Variants in INHBC observed in about 807,000 individuals in gnomAD.
INHBC encodes inhibin beta C chain.
A neutral mutation model predicts 12.4 loss-of-function variants in INHBC; 10 were observed. The observed-to-expected ratio is 0.81, with a 90% CI of 0.50 to 1.37. The LOEUF (loss-of-function observed/expected upper bound fraction) is 1.37. Among genes scored for constraint, INHBC ranks in the 40% most tolerant of loss-of-function variants. The pLI, the probability that INHBC is intolerant of heterozygous loss-of-function variation, is 0.00. For missense variants in INHBC, 382 were observed against 439.4 expected, an observed-to-expected ratio of 0.87 and a Z score of 1.17; for synonymous variants, 147 against 171.6, an observed-to-expected ratio of 0.86 and a Z score of 1.12.
Position 57,449,622 on chromosome 12 carries a change from T to C in INHBC, c.659T>C (p.Phe220Ser), listed in dbSNP as rs547924217. 6.2e-7 allele frequency: 1 copy of C among 1,614,232 alleles called. No homozygotes were observed. The highest frequency in any genetic ancestry group is 8.5e-7 in the Non-Finnish European group (1 of 1,180,040). The part of the protein sequence containing the change: ...VILGGAAHRP[F>S]VAARVRVGGK... The stretch of plus-strand genomic sequence containing the variant: ...CTGGGTGGAGCTGCCCATAGGCCTT[T>C]TGTGGCAGCCCGGGTGAGAGTTGGG... The change falls in exon 2 of 2, where the codon TTT (phenylalanine) becomes TCT (serine). Residue 220 changes from phenylalanine (F) to serine (S), a missense_variant. Phe to Ser is a radical substitution (Grantham distance 155). Transcript: ENST00000309668.
intron 1 of INHBC, 59 bp downstream of exon 1, chr12:57,435,258 T>G (rs1870309259): frequency 2.0e-6 from 3 of 1,487,058 alleles, no homozygotes; most frequent in Non-Finnish European, 2.7e-6. Context: ...AAGGAAAAGT[T>G]TCCTCGCCAG....
Position 57,447,862 on chromosome 12 carries a change from C to CAAA in INHBC, c.314-1386_314-1384dup, listed in dbSNP as rs869208182. On this transcript the variant is annotated intron_variant, in intron 1 of 1. Transcript: ENST00000309668. ...GGGCAACAGGAACAAAACTCCGTCTCAAAAAAAAAAAAAAAAAAAAAAAAA... is the reference window on the plus strand; with the variant it reads ...GGGCAACAGGAACAAAACTCCGTCTCAAAAAAAAAAAAAAAAAAAAAAAAAAAA... Among the ~76,000 whole-genome samples the CAAA allele has an allele frequency of 5.3e-3, 28 of 5,246 alleles. 8 individuals are homozygous for CAAA. Among genetic ancestry groups the CAAA allele is most frequent in the Non-Finnish European group, 8.5e-3 (21 of 2,464 alleles). 3.4% of individuals were successfully genotyped at this position (5,246 alleles called of 152,430 possible).
At chr12:57,447,659 C>T (rs1239783498) in intron 1 of INHBC, among the ~76,000 whole-genome samples, 1 of 148,114 alleles carries the variant, frequency 6.8e-6, no homozygotes, top group Non-Finnish European at 1.5e-5. Flanking sequence ...CTAAGCAGGG[C>T]GAATCACTTG....
intron 1 of INHBC, among the ~76,000 whole-genome samples, chr12:57,447,019 G>C (rs553490046): frequency 6.6e-6 from 1 of 152,308 alleles, no homozygotes; most frequent in South Asian, 2.1e-4. Context: ...TGCAATTTCA[G>C]TAGAGTGGAG....
At chr12:57,437,457 C>A (rs897119710) in intron 1 of INHBC, among the ~76,000 whole-genome samples, 15 of 151,890 alleles carry the variant, frequency 9.9e-5, no homozygotes, top group Non-Finnish European at 2.9e-5. Flanking sequence ...ATCACAAGGT[C>A]AGGAGATCGA....
At position 57,451,580 on chromosome 12, in the gene INHBC, G is replaced by A. The variant is rs908333512; in HGVS notation, c.*1558G>A. ...GTCTGCAGCCCAAGGCCGAGTTTGC[G>A]CAAAACCCATGTGTTCTTTGGTAAA... On this transcript the variant is annotated 3_prime_UTR_variant, in exon 2 of 2. Coordinates refer to ENST00000309668, the MANE Select transcript of INHBC (RefSeq NM_005538.4). 4.6e-5 allele frequency among the ~76,000 whole-genome samples: 7 copies of A among 152,314 alleles called. No individual in the cohort carries two copies. The highest frequency in any genetic ancestry group is 7.3e-5 in the Non-Finnish European group (5 of 68,034).
intron 1 of INHBC, among the ~76,000 whole-genome samples, chr12:57,444,496 G>A (rs2943694): frequency 1.3e-4 from 20 of 149,006 alleles, no homozygotes; most frequent in African/African-American, 4.7e-4. Flanking sequence ...AGCCAAGATC[G>A]TACCACTGCA....
chr12:57,442,702 T>C (rs1870491499), intron 1 of INHBC, among the ~76,000 whole-genome samples: 1 of 152,002 alleles, frequency 6.6e-6, no homozygotes, highest in Admixed American at 6.6e-5. Context: ...AGAGCAGCCT[T>C]GTTCCTGTTG....
rs937002625 is a variant in INHBC, at chr12:57,449,635, G to A, written c.672G>A (p.Arg224=). ...GAAHRPFVAA[R]VRVGGKHQIH... is the part of the protein sequence containing the mutation. ...CCCATAGGCCTTTTGTGGCAGCCCGGGTGAGAGTTGGGGGCAAACACCAGA... is the reference window on the plus strand; with the variant it reads ...CCCATAGGCCTTTTGTGGCAGCCCGAGTGAGAGTTGGGGGCAAACACCAGA... The change falls in exon 2 of 2, where the codon CGG becomes CGA. Residue 224 remains arginine (R), a synonymous_variant. Coordinates refer to ENST00000309668, the MANE Select transcript of INHBC (RefSeq NM_005538.4). 6.2e-7 allele frequency: 1 copy of A among 1,614,208 alleles called. No individual in the cohort carries two copies. Among genetic ancestry groups the A allele is most frequent in the Non-Finnish European group, 8.5e-7 (1 of 1,180,036 alleles).
chr12:57,447,862 CAAAAAAAAAAAAAAAAAAA>C, intron 1 of INHBC, among the ~76,000 whole-genome samples: 1 of 5,240 alleles, frequency 1.9e-4, no homozygotes, highest in Admixed American at 4.5e-3. Flanking sequence ...AACTCCGTCT[CAAAAAAAAAAAAAAAAAAA>C]AAAAAAAAAA....
Position 57,450,156 on chromosome 12 carries a change from A to C in INHBC, c.*134A>C. 1 of 968,852 alleles carries C rather than the reference A, an allele frequency of 1.0e-6. No homozygotes were observed. Among genetic ancestry groups the C allele is most frequent in the Non-Finnish European group, 1.4e-6 (1 of 701,086 alleles). 60.0% of individuals were successfully genotyped at this position (968,852 alleles called of 1,614,324 possible). On this transcript the variant is annotated 3_prime_UTR_variant, in exon 2 of 2. Coordinates refer to ENST00000309668, the MANE Select transcript of INHBC (RefSeq NM_005538.4). ...TCCCTCTTCCTGAGCATCTTATGGA[A>C]ATTACCCCACCTTTGACTTGAAGAA... is the stretch of plus-strand genomic sequence containing the variant.
At chr12:57,441,281 G>T (rs1020442968) in intron 1 of INHBC, among the ~76,000 whole-genome samples, 9 of 151,140 alleles carry the variant, frequency 6.0e-5, no homozygotes, top group Non-Finnish European at 1.3e-4. Context: ...TTGAACCCAG[G>T]GGGTGGAGGT....
chr12:57,441,354 CAAAAAAAAAAA>C (rs1171735520), intron 1 of INHBC, among the ~76,000 whole-genome samples: 7 of 33,926 alleles, frequency 2.1e-4, no homozygotes, highest in Admixed American at 9.3e-4. Flanking sequence ...AATTCCATCT[CAAAAAAAAAAA>C]AAAAAAAAAA....
chr12:57,436,167 C>CT (rs35783961), intron 1 of INHBC, among the ~76,000 whole-genome samples: 30,924 of 118,350 alleles, frequency 0.26, 4,039 homozygotes, highest in African/African-American at 0.32. Flanking sequence ...TTTTAAAAAA[C>CT]TTTTTTTTTT....
At position 57,449,580 on chromosome 12, in the gene INHBC, C is replaced by T. The variant is rs1870662892; in HGVS notation, c.617C>T (p.Ala206Val). 6.2e-7 allele frequency: 1 copy of T among 1,614,132 alleles called. No homozygotes were observed. Among genetic ancestry groups the T allele is most frequent in the African/African-American group, 1.3e-5 (1 of 74,940 alleles). ...TLELVLEGQV[A>V]QSSVILGGAA... ...GAGCTGGTACTTGAAGGCCAGGTAG[C>T]CCAGAGCTCAGTCATCCTGGGTGGA... The change falls in exon 2 of 2, where the codon GCC becomes GTC. Residue 206 changes from alanine to valine, a missense_variant. Ala to Val is a moderately conservative substitution (Grantham distance 64). Coordinates refer to ENST00000309668, the MANE Select transcript of INHBC (RefSeq NM_005538.4).
In INHBC at chr12:57,435,203, G is replaced by A. The variant is rs1428248086; in HGVS notation, c.313+4G>A. The stretch of plus-strand genomic sequence containing the variant: ...ATCATCAGCTTTGCTGAGACAGGTG[G>A]GTTCCTGATCTGTAGCTCTTCCCCA... On this transcript the variant is annotated splice_donor_region_variant and intron_variant, in intron 1 of 1. Coordinates refer to ENST00000309668, the MANE Select transcript of INHBC (RefSeq NM_005538.4). 1 of 1,606,382 alleles carries A rather than the reference G, an allele frequency of 6.2e-7. No individual in the cohort carries two copies. Among genetic ancestry groups the A allele is most frequent in the East Asian group, 2.2e-5 (1 of 44,582 alleles).
chr12:57,436,631 C>T (rs1033228028), intron 1 of INHBC, among the ~76,000 whole-genome samples: 17 of 151,644 alleles, frequency 1.1e-4, no homozygotes, highest in Admixed American at 8.6e-4. Flanking sequence ...CAGGTATGCG[C>T]CATCATGCCT....
intron 1 of INHBC, among the ~76,000 whole-genome samples, chr12:57,436,807 C>G (rs1478982117): frequency 6.6e-6 from 1 of 152,038 alleles, no homozygotes; most frequent in African/African-American, 2.4e-5. Flanking sequence ...GCTGGGGCTA[C>G]AGGCGCCTAC....
chr12:57,442,565 C>T (rs1870488264), intron 1 of INHBC, among the ~76,000 whole-genome samples: 2 of 152,090 alleles, frequency 1.3e-5, no homozygotes, highest in South Asian at 4.1e-4. Flanking sequence ...GGGACCTGGG[C>T]CACAATTTTG....
Sources: allele counts gnomAD v4.1 joint callset (sites outside exome capture counted in the v4.1 genomes callset), GRCh38; gene constraint gnomAD v4.1.1; transcripts MANE v1.5; gene names NCBI Gene and HGNC (gene_info 2026-07-23, HGNC 2026-07-21).